SUSD4: variants seen among roughly 807,000 people sequenced by gnomAD.
SUSD4 encodes sushi domain containing 4.
In SUSD4, 41 loss-of-function variants were observed where a neutral mutation model predicts 50.5. That is an observed-to-expected ratio of 0.81 (90% CI 0.63 to 1.05). The LOEUF is 1.05. Ranked by LOEUF, SUSD4 falls within the 50% of genes least tolerant of loss-of-function variation. The pLI is 0.00. For synonymous variants in SUSD4, 257 were observed against 257.3 expected (o/e 1.00, Z 0.01); for missense variants, 580 against 634.7 (o/e 0.91, Z 0.93).
At chr1:223,270,029 G>A (rs1434811583) in intron 3 of SUSD4, among the ~76,000 whole-genome samples, 3 of 152,168 alleles carry the variant, frequency 2.0e-5, no homozygotes, top group Non-Finnish European at 2.9e-5. Context: ...CTAGGAGGTG[G>A]GGTTGGGGCT....
chr1:223,285,541 A>G (rs1664081921), intron 3 of SUSD4, among the ~76,000 whole-genome samples: 1 of 152,232 alleles, frequency 6.6e-6, no homozygotes, highest in Non-Finnish European at 1.5e-5. Context: ...ATGTGGAAGG[A>G]AAGAGTACCC....
At chr1:223,322,371 G>A (rs1666623060) in intron 2 of SUSD4, among the ~76,000 whole-genome samples, 1 of 152,226 alleles carries the variant, frequency 6.6e-6, no homozygotes. Context: ...GAGGCAGACT[G>A]TGAGTTTCTA....
chr1:223,264,280 G>A, intron 5 of SUSD4: 1 of 1,012,398 alleles, frequency 9.9e-7, no homozygotes, highest in Non-Finnish European at 1.2e-6. Flanking sequence ...ATAAAACGAG[G>A]GGTAAGATTA....
chr1:223,345,131 T>C (rs1376793074), intron 2 of SUSD4, among the ~76,000 whole-genome samples: 5 of 152,176 alleles, frequency 3.3e-5, no homozygotes, highest in Non-Finnish European at 7.3e-5. Flanking sequence ...GAGGATAACT[T>C]ACATTGAAGT....
intron 4 of SUSD4, among the ~76,000 whole-genome samples, 175 bp downstream of exon 4, chr1:223,268,327 C>T (rs1426481776): frequency 6.6e-6 from 1 of 151,878 alleles, no homozygotes; most frequent in African/African-American, 2.4e-5. Flanking sequence ...ATGGAGAGTC[C>T]AAAAACAGAG....
At chr1:223,243,035 G>A (rs72743896) in intron 5 of SUSD4, among the ~76,000 whole-genome samples, 205 of 152,244 alleles carry the variant, frequency 1.3e-3, no homozygotes, top group Non-Finnish European at 2.3e-3. Context: ...CCAATTAAGC[G>A]TGTGAGCTGG....
intron 2 of SUSD4, among the ~76,000 whole-genome samples, chr1:223,340,650 C>CT (rs1667704180): frequency 6.6e-6 from 1 of 152,132 alleles, no homozygotes. Context: ...GGTTTAGAGG[C>CT]TCCAGGCAAA....
chr1:223,230,271 G>A (rs979663687), intron 5 of SUSD4, among the ~76,000 whole-genome samples: 4 of 152,010 alleles, frequency 2.6e-5, no homozygotes, highest in African/African-American at 4.8e-5. Context: ...ATTCTTGGAT[G>A]AGGACTCAGA....
chr1:223,240,822 G>GT (rs765840405), intron 5 of SUSD4, among the ~76,000 whole-genome samples: 50 of 152,232 alleles, frequency 3.3e-4, no homozygotes, highest in Non-Finnish European at 5.4e-4. Context: ...TCAAATTTGT[G>GT]TTTTTTGCCT....
chr1:223,266,642 G>A (rs1016978335), intron 4 of SUSD4, among the ~76,000 whole-genome samples: 11 of 152,172 alleles, frequency 7.2e-5, no homozygotes, highest in African/African-American at 1.2e-4. Flanking sequence ...TGTAACAGTC[G>A]AAAATGGGCT....
At chr1:223,317,848 T>G (rs1558245024) in intron 2 of SUSD4, among the ~76,000 whole-genome samples, 1 of 119,332 alleles carries the variant, frequency 8.4e-6, no homozygotes, top group Non-Finnish European at 1.7e-5. Flanking sequence ...TTTTTTTTTT[T>G]TTCTTTTTTT....
At chr1:223,361,645 G>A (rs1668986812) in intron 2 of SUSD4, among the ~76,000 whole-genome samples, 1 of 152,130 alleles carries the variant, frequency 6.6e-6, no homozygotes. Flanking sequence ...AATCTCAGCT[G>A]TGCTCAGACC....
intron 2 of SUSD4, among the ~76,000 whole-genome samples, chr1:223,353,524 A>C (rs575188336): frequency 6.6e-6 from 1 of 152,316 alleles, no homozygotes; most frequent in Admixed American, 6.5e-5. Context: ...GGCAAGGTTA[A>C]GGGACCTGCT....
intron 2 of SUSD4, 31 bp downstream of exon 2, chr1:223,363,247 C>A: frequency 6.5e-7 from 1 of 1,535,208 alleles, no homozygotes; most frequent in African/African-American, 1.4e-5. Context: ...GGGCCATCCC[C>A]AGGCCCTCCC....
chr1:223,264,506 G>A (rs1662342516), intron 5 of SUSD4, 124 bp downstream of exon 5: 3 of 1,450,326 alleles, frequency 2.1e-6, no homozygotes, highest in Non-Finnish European at 2.7e-6. Context: ...GGAGAAAAGT[G>A]AGAAAGATGT....
At chr1:223,308,012 C>A (rs897796784) in intron 2 of SUSD4, among the ~76,000 whole-genome samples, 2 of 151,864 alleles carry the variant, frequency 1.3e-5, no homozygotes. Context: ...AATCCTTTAT[C>A]TGAATATAGT....
At chr1:223,342,587 GA>G (rs1667818378) in intron 2 of SUSD4, among the ~76,000 whole-genome samples, 1 of 152,136 alleles carries the variant, frequency 6.6e-6, no homozygotes, top group Admixed American at 6.5e-5. Flanking sequence ...AGAAGGCCAA[GA>G]AACAGACCCA....
chr1:223,241,187 C>T lies in SUSD4; in HGVS notation c.725-11799G>A, dbSNP rs145510019. Among the ~76,000 whole-genome samples the T allele has an allele frequency of 3.6e-4, 55 of 152,296 alleles. 1 individual carries two copies. Among genetic ancestry groups the T allele is most frequent in the East Asian group, 1.4e-3 (7 of 5,180 alleles). Reference sequence around the variant, plus strand: ...CCTGGGGGACAGACCATGTTAAGGACGGACTGCTCCAGCATAATTCAAAAT... The same window carrying T: ...CCTGGGGGACAGACCATGTTAAGGATGGACTGCTCCAGCATAATTCAAAAT... On this transcript the variant is annotated intron_variant, in intron 5 of 8. Coordinates refer to ENST00000366878, the MANE Select transcript of SUSD4 (RefSeq NM_017982.4).
chr1:223,223,330 G>A lies in SUSD4; in HGVS notation c.1363C>T (p.Pro455Ser), dbSNP rs771985599. The change falls in exon 8 of 9, where the codon CCT becomes TCT. Residue 455 changes from proline (P) to serine (S), a missense_variant. Coordinates refer to ENST00000366878, the MANE Select transcript of SUSD4 (RefSeq NM_017982.4). ...ATTATGTCAGGGTTGTCCGAAGCAG[G>A]GTGGGTGCTCTCTTGGCACCTGGGA... ...SPPRCQESTH[P>S]ASDNPDIIAS... 1.4e-5 allele frequency: 22 copies of A among 1,610,342 alleles called. No individual in the cohort carries two copies. The highest frequency in any genetic ancestry group is 1.9e-5 in the Non-Finnish European group (22 of 1,178,428).
Sources: allele counts gnomAD v4.1 joint callset (sites outside exome capture counted in the v4.1 genomes callset), GRCh38; gene constraint gnomAD v4.1.1; transcripts MANE v1.5; gene names NCBI Gene and HGNC (gene_info 2026-07-23, HGNC 2026-07-21).